Variants in ARHGEF18 observed in about 807,000 individuals in gnomAD.
ARHGEF18 encodes rho guanine nucleotide exchange factor 18.
Under a neutral mutation model 155.7 loss-of-function variants are expected in ARHGEF18, and 93 were observed. The observed-to-expected ratio is 0.60, with a 90% CI of 0.50 to 0.71. The LOEUF is 0.71. Among genes scored for constraint, ARHGEF18 ranks in the 30% least tolerant of loss-of-function variants. The pLI, the probability that ARHGEF18 is intolerant of heterozygous loss-of-function variation, is 0.00. For missense variants in ARHGEF18, 1,593 were observed against 1,816.1 expected (o/e 0.88, Z 2.23); for synonymous variants, 742 against 753.1 (o/e 0.99, Z 0.24).
At chr19:7,452,700 A>G (rs923560095) in intron 16 of ARHGEF18, among the ~76,000 whole-genome samples, 2 of 151,620 alleles carry the variant, frequency 1.3e-5, no homozygotes, top group Non-Finnish European at 2.9e-5. Context: ...TCCCGACCTC[A>G]GGTGATCTGC....
Position 7,444,461 on chromosome 19 carries a change from G to A in ARHGEF18, c.1611+7G>A, listed in dbSNP as rs1237536260. 1 of 1,612,642 alleles carries A rather than the reference G, an allele frequency of 6.2e-7. No individual in the cohort carries two copies. The highest frequency in any genetic ancestry group is 1.7e-5 in the Admixed American group (1 of 59,994). ...CGACCTCCTGGTTCAGCAGGTGGGT[G>A]CAGCCGTGTTCATCTCAACAGTCTT... On this transcript the variant is annotated splice_region_variant and intron_variant, in intron 14 of 28. Coordinates refer to ENST00000668164, the MANE Select transcript of ARHGEF18 (RefSeq NM_001367823.1). This position sits in a 1 kb window ranked among gnomAD's most constrained non-coding sequence, Gnocchi z 4.7.
At chr19:7,439,131 C>T (rs78230363) in intron 10 of ARHGEF18, among the ~76,000 whole-genome samples, 25,649 of 151,776 alleles carry the variant, frequency 0.17, 2,729 homozygotes, top group Non-Finnish European at 0.23. Context: ...GATCAACCCA[C>T]CTCGGCCTCC....
downstream of ARHGEF18, chr19:7,473,040 T>G (rs1977113226): frequency 2.2e-6 from 1 of 456,116 alleles, no homozygotes; most frequent in East Asian, 6.9e-5. Context: ...CGGGTACACT[T>G]CAGGCTTTGG....
At chr19:7,407,359 G>C (rs554648655) in intron 10 of ARHGEF18, among the ~76,000 whole-genome samples, 1 of 152,044 alleles carries the variant, frequency 6.6e-6, no homozygotes, top group East Asian at 1.9e-4. Context: ...CCAAGAGGTG[G>C]GGGTTGAAGC....
At chr19:7,426,644 A>G (rs1973684542) in intron 10 of ARHGEF18, among the ~76,000 whole-genome samples, 1 of 152,044 alleles carries the variant, frequency 6.6e-6, no homozygotes, top group South Asian at 2.1e-4. Flanking sequence ...CTTATGCAAA[A>G]TCACGTAGTA....
chr19:7,358,414 A>G (rs1383891508), intron 1 of ARHGEF18, among the ~76,000 whole-genome samples: 1 of 151,694 alleles, frequency 6.6e-6, no homozygotes, highest in Non-Finnish European at 1.5e-5. Context: ...CTATCCATCC[A>G]TCTACCTGTC....
At chr19:7,399,146 A>G (rs181308116) in intron 10 of ARHGEF18, among the ~76,000 whole-genome samples, 1 of 152,268 alleles carries the variant, frequency 6.6e-6, no homozygotes, top group Non-Finnish European at 1.5e-5. Flanking sequence ...TTTCCCCCTG[A>G]GACGGTCAAG....
At chr19:7,477,348 T>C (rs1709442621), downstream of ARHGEF18, 2 of 1,558,890 alleles carry the variant, frequency 1.3e-6, no homozygotes, top group Non-Finnish European at 1.7e-6. Flanking sequence ...TGCACGGCGT[T>C]GGCCAGGTCG....
At position 7,408,623 on chromosome 19, in the gene ARHGEF18, A is replaced by G. The variant is rs531996025; in HGVS notation, c.967+25420A>G. On this transcript the variant is annotated intron_variant, in intron 10 of 28. Transcript: ENST00000668164. ...ACCTCTTCACAATCTGGGCCCATCC[A>G]TGAGCAGCAGCTCCCTGAGGGGCCC... is the stretch of plus-strand genomic sequence containing the variant. Among the ~76,000 whole-genome samples, 41 of 152,368 alleles carry G rather than the reference A, an allele frequency of 2.7e-4. No individual in the cohort carries two copies. In the East Asian group the frequency reaches 7.3e-3, roughly 27 times the overall value.
In ARHGEF18 at chr19:7,455,745, G is replaced by A. The variant is rs114098070; in HGVS notation, c.2105-582G>A. On this transcript the variant is annotated intron_variant, in intron 17 of 28. Coordinates refer to ENST00000668164, the MANE Select transcript of ARHGEF18 (RefSeq NM_001367823.1). ...ATGGACTTAAACAGTTCCACCTGTG[G>A]GGGAAGGCCTCACAATCATGGCAGA... is the stretch of plus-strand genomic sequence containing the variant. 6.5e-3 allele frequency among the ~76,000 whole-genome samples: 995 copies of A among 152,314 alleles called. 9 individuals are homozygous for A. The highest frequency in any genetic ancestry group is 0.023 in the African/African-American group (940 of 41,566).
In ARHGEF18 at chr19:7,440,090, C is replaced by T. The variant is rs1974530321; in HGVS notation, c.968-254C>T. Reference sequence around the variant, plus strand: ...CTGGCGCCGCGCCGGGTCCCGGAGCCCCGGGCGCGAACATGGGGAATGCGC... The same window carrying T: ...CTGGCGCCGCGCCGGGTCCCGGAGCTCCGGGCGCGAACATGGGGAATGCGC... On this transcript the variant is annotated intron_variant, in intron 10 of 28. Coordinates refer to ENST00000668164, the MANE Select transcript of ARHGEF18 (RefSeq NM_001367823.1). This position sits in a 1 kb window ranked among gnomAD's most constrained non-coding sequence, Gnocchi z 5.4. 4 of 1,550,300 alleles carry T rather than the reference C, an allele frequency of 2.6e-6. No individual in the cohort carries two copies. Among genetic ancestry groups the T allele is most frequent in the Non-Finnish European group, 1.7e-6 (2 of 1,146,504 alleles).
Position 7,467,362 on chromosome 19 carries a change from G to C in ARHGEF18, c.3158G>C (p.Arg1053Pro). The change falls in exon 26 of 29, where the codon CGC becomes CCC. Residue 1053 changes from arginine (R) to proline (P), a missense_variant. Physicochemically the swap from Arg to Pro is moderately radical, Grantham distance 103. Coordinates refer to ENST00000668164, the MANE Select transcript of ARHGEF18 (RefSeq NM_001367823.1). ...AACTTCGAGAAGCAGCGGGAGGAGC[G>C]CGCGGCCCTGGAGAAGCTGCAGAGC... The part of the protein sequence containing the change: ...QRNFEKQREE[R>P]AALEKLQSQL... 6.5e-7 allele frequency: 1 copy of C among 1,534,738 alleles called. No homozygotes were observed. Among genetic ancestry groups the C allele is most frequent in the South Asian group, 1.2e-5 (1 of 83,990 alleles).
intron 1 of ARHGEF18, among the ~76,000 whole-genome samples, chr19:7,351,578 C>T (rs1969157502): frequency 6.6e-6 from 1 of 152,144 alleles, no homozygotes; most frequent in African/African-American, 2.4e-5. Flanking sequence ...CCACCTCAGC[C>T]TCCCAAAGTG....
In ARHGEF18 at chr19:7,444,606, G is replaced by A. The variant is rs12983450; in HGVS notation, c.1611+152G>A. Reference sequence around the variant, plus strand: ...GCTCAATGCAGCCTCAACCTCTCAGGCTCAGGTGATCCTCCCACCTCAGCC... The same window carrying A: ...GCTCAATGCAGCCTCAACCTCTCAGACTCAGGTGATCCTCCCACCTCAGCC... On this transcript the variant is annotated intron_variant, in intron 14 of 28. Transcript: ENST00000668164. This position sits in a 1 kb window ranked among gnomAD's most constrained non-coding sequence, Gnocchi z 4.7. 0.22 allele frequency: 247,533 copies of A among 1,136,552 alleles called. 28,746 individuals are homozygous for A. The highest frequency in any genetic ancestry group is 0.24 in the Middle Eastern group (1,045 of 4,330). 70.4% of individuals were successfully genotyped at this position (1,136,552 alleles called of 1,614,324 possible). A position where few individuals can be genotyped will look rare whatever the true frequency, so the allele number is the denominator to read the frequency against.
intron 10 of ARHGEF18, among the ~76,000 whole-genome samples, chr19:7,426,190 AAAG>A (rs1348217805): frequency 2.6e-5 from 4 of 152,022 alleles, no homozygotes; most frequent in African/African-American, 9.7e-5. Context: ...AAAAAGAAAA[AAAG>A]CAGCAAAGAA....
chr19:7,411,248 A>ACCTCTTCCCCTT (rs1972657777), intron 10 of ARHGEF18, among the ~76,000 whole-genome samples: 2 of 101,286 alleles, frequency 2.0e-5, no homozygotes, highest in Non-Finnish European at 4.5e-5. Context: ...CCTTTCCCCT[A>ACCTCTTCCCCTT]CCTCTTCCCC....
chr19:7,467,052 C>T lies in ARHGEF18; in HGVS notation c.2962-19C>T, dbSNP rs1411069522. The stretch of plus-strand genomic sequence containing the variant: ...CCTCAGCCCGATAACTAGCATCAAT[C>T]TCCCTCTCCTCTCCGCAGCTTGTCC... On this transcript the variant is annotated intron_variant, in intron 24 of 28. Coordinates refer to ENST00000668164, the MANE Select transcript of ARHGEF18 (RefSeq NM_001367823.1). 6.2e-7 allele frequency: 1 copy of T among 1,609,976 alleles called. No individual in the cohort carries two copies.
intron 10 of ARHGEF18, among the ~76,000 whole-genome samples, chr19:7,407,182 TG>T (rs1972367671): frequency 6.6e-6 from 1 of 151,818 alleles, no homozygotes; most frequent in Non-Finnish European, 1.5e-5. Flanking sequence ...CCCAGCACTT[TG>T]GGAGGCCAAG....
At chr19:7,388,424 A>C (rs1971203505) in intron 10 of ARHGEF18, among the ~76,000 whole-genome samples, 1 of 151,886 alleles carries the variant, frequency 6.6e-6, no homozygotes. Context: ...TTCCTCATTC[A>C]GCTTTGTAAC....
Sources: allele counts gnomAD v4.1 joint callset (sites outside exome capture counted in the v4.1 genomes callset), GRCh38; gene constraint gnomAD v4.1.1; non-coding constraint Gnocchi (gnomAD v3.1); transcripts MANE v1.5; gene names NCBI Gene and HGNC (gene_info 2026-07-23, HGNC 2026-07-21).